GUCY1A2: variants seen among roughly 807,000 people sequenced by gnomAD.
GUCY1A2 encodes the protein guanylate cyclase 1 soluble subunit alpha 2.
A neutral mutation model predicts 63.5 loss-of-function variants in GUCY1A2; 27 were observed. That is an observed-to-expected ratio of 0.43 (90% CI 0.31 to 0.59). The LOEUF (loss-of-function observed/expected upper bound fraction) is 0.59. GUCY1A2 is among the 20% of genes least tolerant of loss of function. The pLI is 0.11. For synonymous variants in GUCY1A2, 364 were observed against 343.5 expected, an observed-to-expected ratio of 1.06 and a Z score of -0.66; for missense variants, 768 against 913.3, an observed-to-expected ratio of 0.84 and a Z score of 2.05.
At chr11:106,793,097 C>T (rs1011765599) in intron 5 of GUCY1A2, among the ~76,000 whole-genome samples, 1 of 152,002 alleles carries the variant, frequency 6.6e-6, no homozygotes, top group Non-Finnish European at 1.5e-5. Flanking sequence ...AAGCTGGAGC[C>T]GTCAGATTTC....
At chr11:106,861,495 TC>T (rs1859511814) in intron 4 of GUCY1A2, among the ~76,000 whole-genome samples, 1 of 151,972 alleles carries the variant, frequency 6.6e-6, no homozygotes, top group Admixed American at 6.6e-5. Context: ...AACTTTCAGT[TC>T]TGAAATAATC....
intron 4 of GUCY1A2, among the ~76,000 whole-genome samples, chr11:106,891,555 C>T (rs762604984): frequency 6.6e-6 from 1 of 151,966 alleles, no homozygotes; most frequent in Non-Finnish European, 1.5e-5. Flanking sequence ...GCTCTAGAAG[C>T]TGTATTTATG....
intron 4 of GUCY1A2, among the ~76,000 whole-genome samples, chr11:106,888,380 G>C (rs1304467234): frequency 2.0e-5 from 3 of 151,984 alleles, no homozygotes; most frequent in Non-Finnish European, 2.9e-5. Context: ...CAAGAGAATG[G>C]CGTGAACCCA....
At chr11:106,993,134 T>TAA (rs1861492531) in intron 1 of GUCY1A2, among the ~76,000 whole-genome samples, 1 of 152,202 alleles carries the variant, frequency 6.6e-6, no homozygotes, top group Non-Finnish European at 1.5e-5. Context: ...GTTGGAATCT[T>TAA]TAAGAGTTTA....
intron 1 of GUCY1A2, among the ~76,000 whole-genome samples, chr11:107,008,629 T>C (rs1040625852): frequency 1.3e-5 from 2 of 152,206 alleles, no homozygotes; most frequent in Non-Finnish European, 2.9e-5. Context: ...CTGCTAGGCA[T>C]GCGCATACAT....
At chr11:106,775,997 T>G (rs1338025283) in intron 6 of GUCY1A2, among the ~76,000 whole-genome samples, 1 of 152,140 alleles carries the variant, frequency 6.6e-6, no homozygotes, top group African/African-American at 2.4e-5. Context: ...CAAGAAAAAC[T>G]CCAGAAGTAA....
At chr11:106,826,984 T>G in intron 4 of GUCY1A2, 1 of 1,610,772 alleles carries the variant, frequency 6.2e-7, no homozygotes, top group Admixed American at 1.7e-5. Context: ...TATCTTTTCA[T>G]TGGTCAATTC....
At chr11:106,724,429 T>C (rs1863368930) in intron 6 of GUCY1A2, among the ~76,000 whole-genome samples, 1 of 152,190 alleles carries the variant, frequency 6.6e-6, no homozygotes, top group African/African-American at 2.4e-5. Context: ...CTGAATCTGA[T>C]CACCCTATCC....
chr11:106,858,368 C>T (rs1163503914), intron 4 of GUCY1A2, among the ~76,000 whole-genome samples: 2 of 152,094 alleles, frequency 1.3e-5, no homozygotes, highest in African/African-American at 4.8e-5. Flanking sequence ...TGGCTGTATA[C>T]CACATTAAAG....
At chr11:106,883,099 A>G in intron 4 of GUCY1A2, among the ~76,000 whole-genome samples, 1 of 152,086 alleles carries the variant, frequency 6.6e-6, no homozygotes, top group East Asian at 1.9e-4. Flanking sequence ...ATCTAGAGAA[A>G]GTGAATTATT....
At chr11:107,011,446 A>C (rs1380859787) in intron 1 of GUCY1A2, among the ~76,000 whole-genome samples, 1 of 150,756 alleles carries the variant, frequency 6.6e-6, no homozygotes, top group Non-Finnish European at 1.5e-5. Context: ...TCACCTATGC[A>C]TCTTAGAGTC....
intron 1 of GUCY1A2, among the ~76,000 whole-genome samples, chr11:106,994,107 G>A (rs1861505425): frequency 6.6e-6 from 1 of 152,094 alleles, no homozygotes; most frequent in South Asian, 2.1e-4. Flanking sequence ...AGAGCTTGGG[G>A]TAAATGTTGA....
intron 3 of GUCY1A2, among the ~76,000 whole-genome samples, chr11:106,974,479 A>T (rs1200445733): frequency 6.6e-6 from 1 of 152,120 alleles, no homozygotes; most frequent in East Asian, 1.9e-4. Flanking sequence ...GAAACAAAAA[A>T]GTATATACAA....
intron 1 of GUCY1A2, among the ~76,000 whole-genome samples, chr11:106,988,952 G>A (rs952020136): frequency 1.3e-5 from 2 of 152,162 alleles, no homozygotes; most frequent in Non-Finnish European, 2.9e-5. Flanking sequence ...CCCACAAACG[G>A]GCCAAAGCCT....
chr11:106,939,549 C>A lies in GUCY1A2; in HGVS notation c.1117G>T (p.Ala373Ser). The change falls in exon 4 of 8, where the codon GCC (alanine) becomes TCC (serine). Residue 373 changes from alanine (A) to serine (S), a missense_variant. Ala to Ser is a moderately conservative substitution (Grantham distance 99, BLOSUM62 1). Transcript: ENST00000526355. ...CGCAGCAGGACCCTTTCAAAGGTGG[C>A]ATTAACCTTTGGAGATACAATCTCG... Reference protein sequence around the residue: ...CFEIVSPKVNATFERVLLRLS... With the variant: ...CFEIVSPKVNSTFERVLLRLS... 1 of 1,613,178 alleles carries A rather than the reference C, an allele frequency of 6.2e-7. No individual in the cohort carries two copies. The highest frequency in any genetic ancestry group is 8.5e-7 in the Non-Finnish European group (1 of 1,179,114).
rs1421440419 is a variant in GUCY1A2, at chr11:106,684,851, TAA to T, written c.*2696_*2697del. ...TAAGTAAGTGAGAATACTGTATAGA[TAA>T]AAGTCATATGAAATAACAAATGCCA... On this transcript the variant is annotated 3_prime_UTR_variant, in exon 8 of 8. Transcript: ENST00000526355. 4.8e-6 allele frequency: 1 copy of T among 207,990 alleles called. No individual in the cohort carries two copies. The allele number at this position is 207,990 out of a possible 1,614,324, so 12.9% of individuals were successfully genotyped here.
At chr11:106,711,935 A>G (rs1288981875) in intron 6 of GUCY1A2, among the ~76,000 whole-genome samples, 1 of 151,990 alleles carries the variant, frequency 6.6e-6, no homozygotes, top group Non-Finnish European at 1.5e-5. Flanking sequence ...TTCTATATAT[A>G]ACATATCTTT....
rs567772917 is a variant in GUCY1A2 at position 106,824,946 on chromosome 11, G to A, written c.1207-14468C>T. 4.6e-5 allele frequency: 75 copies of A among 1,613,282 alleles called. No homozygotes were observed. In the Middle Eastern group the frequency reaches 6.6e-4, roughly 14 times the overall value. ...TACAGGAGCTAAGAAAAGAAAAATC[G>A]ATGATGCCTGACATGAATGTTACTA... On this transcript the variant is annotated intron_variant, in intron 4 of 7. Coordinates refer to ENST00000526355, the MANE Select transcript of GUCY1A2 (RefSeq NM_000855.3).
rs548530603 is a variant in GUCY1A2, at chr11:106,695,357, A to T, written c.1992-7601T>A. Among the ~76,000 whole-genome samples, 8 of 152,328 alleles carry T rather than the reference A, an allele frequency of 5.3e-5. No homozygotes were observed. The South Asian group carries it at 1.0e-3, about 20-fold the overall frequency. Reference sequence around the variant, plus strand: ...TAAACTCAGGGCCTCAATTTGCTTAATTAGAAATTTCTGTTGTTACAAATT... The same window carrying T: ...TAAACTCAGGGCCTCAATTTGCTTATTTAGAAATTTCTGTTGTTACAAATT... On this transcript the variant is annotated intron_variant, in intron 7 of 7. Transcript: ENST00000526355.
Sources: allele counts gnomAD v4.1 joint callset (sites outside exome capture counted in the v4.1 genomes callset), GRCh38; gene constraint gnomAD v4.1.1; transcripts MANE v1.5; gene names NCBI Gene and HGNC (gene_info 2026-07-23, HGNC 2026-07-21).